Variants in FFAR4 observed in about 807,000 individuals in gnomAD.
FFAR4 encodes free fatty acid receptor 4, also known as G-protein coupled receptor 120.
A neutral mutation model predicts 27.0 loss-of-function variants in FFAR4; 19 were observed. The ratio of observed to expected loss-of-function variants is 0.70; its 90% CI spans 0.49 to 1.03. The LOEUF is 1.03. FFAR4 is among the 50% of genes least tolerant of loss of function. FFAR4 has a pLI of 0.00. For missense variants in FFAR4, 476 were observed against 479.0 expected (o/e 0.99, Z 0.06); for synonymous variants, 254 against 215.6 (o/e 1.18, Z -1.56).
chr10:93,581,711 G>A (rs961716332), intron 2 of FFAR4, among the ~76,000 whole-genome samples: 12 of 152,150 alleles, frequency 7.9e-5, no homozygotes, highest in Admixed American at 2.0e-4. Flanking sequence ...AGAATCACCC[G>A]GGGAGTTTAG....
At chr10:93,567,321 C>T (rs759836199) in intron 1 of FFAR4, 34 bp downstream of exon 1, 2 of 1,577,976 alleles carry the variant, frequency 1.3e-6, no homozygotes, top group Non-Finnish European at 8.6e-7. Context: ...GGGCAGGTGT[C>T]CTGCGCAGGC....
At chr10:93,569,003 C>G (rs747896761) in intron 1 of FFAR4, among the ~76,000 whole-genome samples, 4 of 152,152 alleles carry the variant, frequency 2.6e-5, no homozygotes, top group Non-Finnish European at 5.9e-5. Flanking sequence ...CAGGCTTGTT[C>G]TTAGCCCACA....
At chr10:93,577,336 T>C (rs562222111) in intron 2 of FFAR4, among the ~76,000 whole-genome samples, 1 of 152,348 alleles carries the variant, frequency 6.6e-6, no homozygotes, top group East Asian at 1.9e-4. Flanking sequence ...GCCTGCTCAC[T>C]CTCTGGTCAC....
Position 93,588,159 on chromosome 10 carries a change from TATG to T in FFAR4, c.*553_*555del, listed in dbSNP as rs2058240986. The T allele has an allele frequency of 6.6e-6, 1 of 152,438 alleles. No individual in the cohort carries two copies. The allele number at this position is 152,438 out of a possible 1,614,324, so 9.4% of individuals were successfully genotyped here. On this transcript the variant is annotated 3_prime_UTR_variant, in exon 3 of 3. Transcript: ENST00000371481. ...GTGAACTTTTTTAGTGTGTTTGTAA[TATG>T]ATCAAATTTAATAAATATTTATTTA...
rs1044454193 is a variant in FFAR4 at position 93,567,045 on chromosome 10, G to T, written c.325G>T (p.Val109Phe). ...GACTGAGGCCTGGCTGCTGGGCCCC[G>T]TTGCCTGCCACCTGCTCTTCTACGT... ...RWTEAWLLGP[V>F]ACHLLFYVMT... The change falls in exon 1 of 3, where the codon GTT (valine) becomes TTT (phenylalanine). Residue 109 changes from valine to phenylalanine, a missense_variant. Transcript: ENST00000371481. The T allele has an allele frequency of 1.2e-6, 2 of 1,611,308 alleles. No homozygotes were observed. Among genetic ancestry groups the T allele is most frequent in the African/African-American group, 2.7e-5 (2 of 74,904 alleles).
At chr10:93,581,098 G>A (rs1252567702) in intron 2 of FFAR4, among the ~76,000 whole-genome samples, 6 of 152,222 alleles carry the variant, frequency 3.9e-5, no homozygotes, top group East Asian at 1.9e-4. Flanking sequence ...GAAGAGCAGC[G>A]TGGGTGGAGC....
At chr10:93,585,724 G>A (rs1027629189) in intron 2 of FFAR4, among the ~76,000 whole-genome samples, 3 of 152,182 alleles carry the variant, frequency 2.0e-5, no homozygotes, top group Non-Finnish European at 2.9e-5. Flanking sequence ...CCTGTGTCTG[G>A]TGATGGTGCC....
intron 1 of FFAR4, among the ~76,000 whole-genome samples, chr10:93,569,760 TAA>T (rs112928164): frequency 8.0e-4 from 112 of 140,700 alleles, no homozygotes; most frequent in African/African-American, 2.0e-3. Context: ...AGCTTGAAAT[TAA>T]AAAAAAAAAA....
chr10:93,568,812 GTGTT>G (rs1000330755), intron 1 of FFAR4, among the ~76,000 whole-genome samples: 34 of 152,256 alleles, frequency 2.2e-4, no homozygotes, highest in African/African-American at 7.5e-4. Flanking sequence ...ACATTGTGGG[GTGTT>G]TGTTTGTTTA....
At chr10:93,581,684 C>T (rs184740777) in intron 2 of FFAR4, among the ~76,000 whole-genome samples, 52 of 152,240 alleles carry the variant, frequency 3.4e-4, no homozygotes, top group Middle Eastern at 3.4e-3. Flanking sequence ...TGAGCAGCTG[C>T]GACACTTCAG....
intron 2 of FFAR4, among the ~76,000 whole-genome samples, chr10:93,577,394 G>A (rs921588108): frequency 1.3e-5 from 2 of 152,056 alleles, no homozygotes; most frequent in South Asian, 2.1e-4. Flanking sequence ...CTTCTTAGAC[G>A]CTCAGAACCC....
In FFAR4 at chr10:93,566,684, A is replaced by G. The variant is rs1373392970; in HGVS notation, c.-37A>G. Reference sequence around the variant, plus strand: ...GCACTCAGTCGCCTCCCAGATGAGCACTCTCTCAGACCGCTGCGGGCCGCC... The same window carrying G: ...GCACTCAGTCGCCTCCCAGATGAGCGCTCTCTCAGACCGCTGCGGGCCGCC... On this transcript the variant is annotated 5_prime_UTR_variant, in exon 1 of 3. Transcript: ENST00000371481. The G allele has an allele frequency of 7.6e-7, 1 of 1,322,566 alleles. No individual in the cohort carries two copies. The allele number at this position is 1,322,566 out of a possible 1,614,324, so 81.9% of individuals were successfully genotyped here.
intron 2 of FFAR4, among the ~76,000 whole-genome samples, chr10:93,583,647 C>T (rs1564785258): frequency 1.3e-5 from 2 of 152,180 alleles, no homozygotes; most frequent in African/African-American, 2.4e-5. Context: ...AGACAATGGG[C>T]TGGCGTCAGG....
intron 2 of FFAR4, among the ~76,000 whole-genome samples, chr10:93,580,437 G>A (rs2058190601): frequency 6.6e-6 from 1 of 152,202 alleles, no homozygotes; most frequent in African/African-American, 2.4e-5. Context: ...CTCTAAAGCA[G>A]TGTGTCTCCT....
At chr10:93,571,719 T>C (rs1434073505) in intron 1 of FFAR4, among the ~76,000 whole-genome samples, 1 of 152,210 alleles carries the variant, frequency 6.6e-6, no homozygotes, top group African/African-American at 2.4e-5. Flanking sequence ...AAAGGAAGCA[T>C]CTCTTGCATT....
intron 2 of FFAR4, among the ~76,000 whole-genome samples, chr10:93,582,633 G>T (rs2058204902): frequency 6.6e-6 from 1 of 151,864 alleles, no homozygotes; most frequent in Non-Finnish European, 1.5e-5. Flanking sequence ...CCATTGTCAG[G>T]TACCTGCTAG....
intron 2 of FFAR4, among the ~76,000 whole-genome samples, chr10:93,582,519 G>A (rs2058203879): frequency 6.8e-6 from 1 of 146,324 alleles, no homozygotes; most frequent in African/African-American, 2.6e-5. Context: ...ACTCCAGCCT[G>A]GGCAACAAGA....
At chr10:93,574,668 C>T (rs2134544892) in intron 1 of FFAR4, among the ~76,000 whole-genome samples, 1 of 151,970 alleles carries the variant, frequency 6.6e-6, no homozygotes, top group South Asian at 2.1e-4. Context: ...GCGGGCGGAT[C>T]ACAAGGTCAG....
intron 1 of FFAR4, among the ~76,000 whole-genome samples, chr10:93,572,580 GAT>G: frequency 6.6e-6 from 1 of 152,184 alleles, no homozygotes; most frequent in Non-Finnish European, 1.5e-5. Context: ...GCAATAGGTG[GAT>G]AAGTCAATGG....
Sources: allele counts gnomAD v4.1 joint callset (sites outside exome capture counted in the v4.1 genomes callset), GRCh38; gene constraint gnomAD v4.1.1; transcripts MANE v1.5; gene names NCBI Gene and HGNC (gene_info 2026-07-23, HGNC 2026-07-21).